Variants in CNTNAP2 observed in about 807,000 individuals in gnomAD.
CNTNAP2 encodes contactin associated protein 2.
A neutral mutation model predicts 155.2 loss-of-function variants in CNTNAP2; 98 were observed. The ratio of observed to expected loss-of-function variants is 0.63; its 90% confidence interval spans 0.54 to 0.75. The LOEUF (loss-of-function observed/expected upper bound fraction) is 0.75, where lower values mean the gene tolerates loss of function less well. Ranked by LOEUF, CNTNAP2 falls within the 30% of genes least tolerant of loss-of-function variation. The pLI, the probability that CNTNAP2 is intolerant of heterozygous loss-of-function variation, is 0.00. For missense variants in CNTNAP2, 1,727 were observed against 1,688.1 expected (o/e 1.02, Z -0.40); for synonymous variants, 651 against 631.2 (o/e 1.03, Z -0.47).
At chr7:146,552,942 G>T (rs34074531) in intron 1 of CNTNAP2, among the ~76,000 whole-genome samples, 57,163 of 151,840 alleles carry the variant, frequency 0.38, 11,975 homozygotes, top group South Asian at 0.5. Context: ...TTACTTTGCC[G>T]CACTGTCTAA....
intron 10 of CNTNAP2, among the ~76,000 whole-genome samples, chr7:147,398,036 C>T (rs889487599): frequency 6.6e-6 from 1 of 152,106 alleles, no homozygotes. Context: ...CCTTTAGTCA[C>T]CTAAAATGTT....
At chr7:146,490,264 A>T (rs1051380319) in intron 1 of CNTNAP2, among the ~76,000 whole-genome samples, 7 of 152,328 alleles carry the variant, frequency 4.6e-5, no homozygotes, top group Non-Finnish European at 8.8e-5. Context: ...CACTGTTTTA[A>T]TCACTAGGAA....
chr7:147,414,738 G>A lies in CNTNAP2; in HGVS notation c.1670+18958G>A, dbSNP rs543088469. On this transcript the variant is annotated intron_variant, in intron 10 of 23. Coordinates refer to ENST00000361727, the MANE Select transcript of CNTNAP2 (RefSeq NM_014141.6). ...GGGCGGATCACGAGGTCAGGAGATC[G>A]AGACTATCCTGGCTAACAAGGTGAA... 5.9e-5 allele frequency among the ~76,000 whole-genome samples: 9 copies of A among 151,878 alleles called. No homozygotes were observed. The South Asian group carries it at 1.5e-3, about 24-fold the overall frequency.
intron 20 of CNTNAP2, among the ~76,000 whole-genome samples, chr7:148,259,473 T>A (rs1294272182): frequency 6.6e-6 from 1 of 152,176 alleles, no homozygotes; most frequent in Non-Finnish European, 1.5e-5. Context: ...AAATTCAATA[T>A]CGCTGAGCTA....
chr7:148,208,603 G>A (rs1334513054), intron 18 of CNTNAP2, among the ~76,000 whole-genome samples: 1 of 152,142 alleles, frequency 6.6e-6, no homozygotes, highest in East Asian at 1.9e-4. Context: ...ATCAAATAAG[G>A]GCAGAAGTGG....
intron 1 of CNTNAP2, among the ~76,000 whole-genome samples, chr7:146,201,689 ATATT>A (rs1379714174): frequency 7.3e-5 from 11 of 151,648 alleles, no homozygotes; most frequent in Admixed American, 3.3e-4. Context: ...TCAGAAAAAA[ATATT>A]TATTAAGGAA....
chr7:148,121,948 A>G (rs958099596), intron 16 of CNTNAP2, among the ~76,000 whole-genome samples: 1 of 152,214 alleles, frequency 6.6e-6, no homozygotes, highest in Admixed American at 6.5e-5. Flanking sequence ...AATTTAGTCA[A>G]ATCAAGTGTG....
intron 3 of CNTNAP2, among the ~76,000 whole-genome samples, chr7:146,925,870 G>C (rs1437287086): frequency 6.6e-6 from 1 of 152,070 alleles, no homozygotes; most frequent in Non-Finnish European, 1.5e-5. Context: ...CGAACACACT[G>C]ACAATTCAAT....
intron 1 of CNTNAP2, among the ~76,000 whole-genome samples, chr7:146,376,684 A>T (rs1188884496): frequency 6.6e-6 from 1 of 152,158 alleles, no homozygotes; most frequent in African/African-American, 2.4e-5. Flanking sequence ...TTGTTACGGT[A>T]TAAATGCATG....
chr7:146,308,630 A>G (rs1487009216), intron 1 of CNTNAP2, among the ~76,000 whole-genome samples: 1 of 152,214 alleles, frequency 6.6e-6, no homozygotes. Flanking sequence ...CATATACACC[A>G]TGGAATACTA....
intron 1 of CNTNAP2, among the ~76,000 whole-genome samples, chr7:146,216,053 G>C (rs377756917): frequency 6.6e-6 from 1 of 152,182 alleles, no homozygotes; most frequent in African/African-American, 2.4e-5. Flanking sequence ...TAGCTGCCAC[G>C]GGAAGGGAAT....
At chr7:148,339,123 C>T (rs1388090304) in intron 21 of CNTNAP2, among the ~76,000 whole-genome samples, 1 of 152,134 alleles carries the variant, frequency 6.6e-6, no homozygotes. Context: ...CCACAACAAG[C>T]GTAGTGTAAG....
At chr7:146,536,539 G>C (rs1797871394) in intron 1 of CNTNAP2, among the ~76,000 whole-genome samples, 1 of 151,900 alleles carries the variant, frequency 6.6e-6, no homozygotes, top group Non-Finnish European at 1.5e-5. Context: ...AAGGAGGGAT[G>C]AGAAAAGCAG....
intron 2 of CNTNAP2, among the ~76,000 whole-genome samples, chr7:146,798,726 G>C (rs1056849239): frequency 1.3e-5 from 2 of 152,020 alleles, no homozygotes; most frequent in African/African-American, 4.8e-5. Flanking sequence ...AATACAATAA[G>C]TTTTATTTAC....
intron 18 of CNTNAP2, among the ~76,000 whole-genome samples, chr7:148,185,415 T>A (rs1239921182): frequency 3.3e-5 from 5 of 152,224 alleles, no homozygotes; most frequent in African/African-American, 1.2e-4. Context: ...TCATGTTGGT[T>A]CCTTGAGTAT....
intron 10 of CNTNAP2, among the ~76,000 whole-genome samples, chr7:147,399,348 T>G (rs1394974093): frequency 6.6e-6 from 1 of 152,146 alleles, no homozygotes; most frequent in Non-Finnish European, 1.5e-5. Flanking sequence ...GGAGGCTAAC[T>G]AAAATTATGC....
chr7:146,371,718 G>C (rs994331296), intron 1 of CNTNAP2, among the ~76,000 whole-genome samples: 1 of 151,796 alleles, frequency 6.6e-6, no homozygotes, highest in Non-Finnish European at 1.5e-5. Context: ...GTGGTAGGCC[G>C]AGGTGGGCGG....
intron 1 of CNTNAP2, among the ~76,000 whole-genome samples, chr7:146,365,253 C>A (rs1384613144): frequency 6.6e-6 from 1 of 152,162 alleles, no homozygotes; most frequent in Non-Finnish European, 1.5e-5. Context: ...CCTCACAGCA[C>A]CTCTGCTCAG....
intron 2 of CNTNAP2, among the ~76,000 whole-genome samples, chr7:146,808,300 G>A (rs894872059): frequency 4.6e-5 from 7 of 152,120 alleles, no homozygotes; most frequent in East Asian, 1.9e-4. Flanking sequence ...TATATTTCAT[G>A]CAATATAACA....
Sources: allele counts gnomAD v4.1 joint callset (sites outside exome capture counted in the v4.1 genomes callset), GRCh38; gene constraint gnomAD v4.1.1; transcripts MANE v1.5; gene names NCBI Gene and HGNC (gene_info 2026-07-23, HGNC 2026-07-21).